Variants in SOS1 observed in about 807,000 individuals in gnomAD.
SOS1 encodes SOS Ras/Rac guanine nucleotide exchange factor 1.
In SOS1, 25 loss-of-function variants were observed where a neutral mutation model predicts 157.6. That is an observed-to-expected ratio of 0.16 (90% confidence interval 0.12 to 0.22). The LOEUF is 0.22. Among genes scored for constraint, SOS1 ranks in the 10% least tolerant of loss-of-function variants. The pLI is 1.00. For synonymous variants in SOS1, 528 were observed against 534.0 expected, an observed-to-expected ratio of 0.99 and a Z score of 0.16; for missense variants, 1,237 against 1,599.1, an observed-to-expected ratio of 0.77 and a Z score of 3.86.
chr2:39,100,071 G>A (rs1672907390), intron 1 of SOS1, among the ~76,000 whole-genome samples: 1 of 152,090 alleles, frequency 6.6e-6, no homozygotes, highest in African/African-American at 2.4e-5. Context: ...ATATGAAAAG[G>A]TACTCAACAT....
chr2:38,986,183 G>T lies in SOS1; in HGVS notation c.3643C>A (p.Pro1215Thr), dbSNP rs1668553081. Residue 1215 changes from proline (P) to threonine (T), a missense_variant, in exon 23 of 23, where the codon CCA (proline) becomes ACA (threonine). Pro to Thr is a conservative substitution (Grantham distance 38). Transcript: ENST00000402219. ...SDPPESPPLL[P>T]PREPVRTPDV... ...GGTGTCCTCACAGGTTCTCGTGGTGGTAATAAGGGAGGGCTTTCAGGAGGG... is the reference window on the plus strand; with the variant it reads ...GGTGTCCTCACAGGTTCTCGTGGTGTTAATAAGGGAGGGCTTTCAGGAGGG... 6.2e-7 allele frequency: 1 copy of T among 1,613,810 alleles called. No individual in the cohort carries two copies. The highest frequency in any genetic ancestry group is 1.7e-5 in the Admixed American group (1 of 59,970).
chr2:39,082,679 C>T (rs1672247741), intron 1 of SOS1: 1 of 152,082 alleles, frequency 6.6e-6, no homozygotes, highest in South Asian at 2.1e-4. Flanking sequence ...ATTTGTGAAG[C>T]GTTCCATTAC....
At chr2:39,022,382 A>G in intron 10 of SOS1, 188 bp downstream of exon 10, 1 of 594,696 alleles carries the variant, frequency 1.7e-6, no homozygotes, top group South Asian at 2.1e-5. Context: ...AGGTTAAAAA[A>G]AAGTATTTAA....
At chr2:39,050,441 T>C (rs1003769693) in intron 6 of SOS1, among the ~76,000 whole-genome samples, 4 of 152,188 alleles carry the variant, frequency 2.6e-5, no homozygotes, top group Non-Finnish European at 4.4e-5. Context: ...TGAAGGTAGA[T>C]AGGTAAATAT....
chr2:38,986,812 T>C (rs566955659), intron 22 of SOS1, among the ~76,000 whole-genome samples: 5 of 152,312 alleles, frequency 3.3e-5, no homozygotes, highest in African/African-American at 1.2e-4. Context: ...TCTAAGATCA[T>C]TTCTAATTTA....
rs570979238 is a variant in SOS1, at chr2:39,105,618, C to T, written c.87+14718G>A. Among the ~76,000 whole-genome samples the T allele has an allele frequency of 2.6e-5, 4 of 152,262 alleles. No individual in the cohort carries two copies. The South Asian group carries it at 8.3e-4, about 32-fold the overall frequency. ...TTGGTAAATAAAATCAAACCAGTGGCCAGGCCTGCTGGCTCACAACTGTAA... is the reference window on the plus strand; with the variant it reads ...TTGGTAAATAAAATCAAACCAGTGGTCAGGCCTGCTGGCTCACAACTGTAA... On this transcript the variant is annotated intron_variant, in intron 1 of 22. Transcript: ENST00000402219.
At chr2:38,998,540 C>G (rs1237173089) in intron 17 of SOS1, among the ~76,000 whole-genome samples, 2 of 152,116 alleles carry the variant, frequency 1.3e-5, no homozygotes, top group Non-Finnish European at 2.9e-5. Flanking sequence ...CGTGAGTCAC[C>G]GCGAGCAGCC....
intron 12 of SOS1, 64 bp from the exon 13 acceptor site, chr2:39,013,627 A>C (rs1200749693): frequency 9.1e-7 from 1 of 1,099,352 alleles, no homozygotes; most frequent in Non-Finnish European, 1.4e-6. Flanking sequence ...CACAATGCAC[A>C]GTACAATACA....
At chr2:39,023,337 TCACTAATTC>T (rs1669857263) in intron 9 of SOS1, 112 bp from the exon 10 acceptor site, 1 of 727,202 alleles carries the variant, frequency 1.4e-6, no homozygotes, top group South Asian at 1.9e-5. Context: ...GAGAAGGTAT[TCACTAATTC>T]CCCAAATAGA....
rs1190714377 is a variant in SOS1, at chr2:39,067,704, T to C, written c.137A>G (p.Gln46Arg). The change falls in exon 2 of 23, where the codon CAG (glutamine) becomes CGG (arginine). Residue 46 changes from glutamine (Q) to arginine (R), a missense_variant. Gln to Arg is a conservative substitution (Grantham distance 43). Transcript: ENST00000402219. ...PTLESNDDAL[Q>R]YVEELILQLL... ...TTGCAAAATTAATTCTTCAACATAC[T>C]GAAGAGCATCATCATTAGACTCGAG... The C allele has an allele frequency of 1.2e-6, 2 of 1,611,808 alleles. No homozygotes were observed. Among genetic ancestry groups the C allele is most frequent in the Admixed American group, 1.7e-5 (1 of 60,014 alleles).
At chr2:39,045,084 GATGTA>G (rs924489201) in intron 6 of SOS1, among the ~76,000 whole-genome samples, 1 of 152,142 alleles carries the variant, frequency 6.6e-6, no homozygotes, top group African/African-American at 2.4e-5. Context: ...AATGTACCCT[GATGTA>G]ATGTATTGTA....
chr2:39,010,407 AG>A (rs1669426952), intron 15 of SOS1, among the ~76,000 whole-genome samples, 176 bp downstream of exon 15: 1 of 151,792 alleles, frequency 6.6e-6, no homozygotes, highest in Non-Finnish European at 1.5e-5. Flanking sequence ...CTGGAGGCTG[AG>A]GTGGGAGGAT....
intron 2 of SOS1, 47 bp from the exon 3 acceptor site, chr2:39,058,851 G>C: frequency 6.8e-7 from 1 of 1,462,330 alleles, no homozygotes; most frequent in Non-Finnish European, 9.5e-7. Flanking sequence ...ATATTAAATA[G>C]TGCTCTTCAC....
At chr2:39,110,074 GTGTGTA>G (rs1454699874) in intron 1 of SOS1, among the ~76,000 whole-genome samples, 48 of 150,604 alleles carry the variant, frequency 3.2e-4, no homozygotes, top group Admixed American at 2.2e-3. Flanking sequence ...GTGTGTGTGT[GTGTGTA>G]TGTGCATGTA....
At chr2:39,055,986 CTTA>C (rs1382318979) in intron 4 of SOS1, among the ~76,000 whole-genome samples, 2 of 152,064 alleles carry the variant, frequency 1.3e-5, no homozygotes, top group Non-Finnish European at 2.9e-5. Flanking sequence ...AGTGTTTGCT[CTTA>C]TTATTATTAT....
intron 15 of SOS1, chr2:39,007,585 T>C (rs1669321628): frequency 5.6e-6 from 1 of 177,852 alleles, no homozygotes; most frequent in Non-Finnish European, 1.2e-5. Context: ...AAGATTTTAG[T>C]GATTAATGCT....
intron 1 of SOS1, among the ~76,000 whole-genome samples, chr2:39,084,036 G>A (rs1672293016): frequency 6.6e-6 from 1 of 152,200 alleles, no homozygotes; most frequent in East Asian, 1.9e-4. Flanking sequence ...GAACACAGAA[G>A]ACAGACCACG....
At chr2:39,106,909 T>C (rs1415504391) in intron 1 of SOS1, among the ~76,000 whole-genome samples, 1 of 152,204 alleles carries the variant, frequency 6.6e-6, no homozygotes, top group Admixed American at 6.5e-5. Flanking sequence ...GTTACTTGAA[T>C]TGTTTTCTTT....
At chr2:39,015,632 CCTT>C (rs1213395647) in intron 10 of SOS1, among the ~76,000 whole-genome samples, 2 of 151,816 alleles carry the variant, frequency 1.3e-5, no homozygotes, top group African/African-American at 4.8e-5. Context: ...TCCCGTCTCT[CCTT>C]AACAGTATTA....
Sources: allele counts gnomAD v4.1 joint callset (sites outside exome capture counted in the v4.1 genomes callset), GRCh38; gene constraint gnomAD v4.1.1; transcripts MANE v1.5; gene names NCBI Gene and HGNC (gene_info 2026-07-23, HGNC 2026-07-21).